NDST4: variants seen among roughly 807,000 people sequenced by gnomAD.
The protein encoded by NDST4 is N-deacetylase and N-sulfotransferase 4, also known as N-heparan sulfate sulfotransferase 4.
Under a neutral mutation model 100.8 loss-of-function variants are expected in NDST4, and 63 were observed. The ratio of observed to expected loss-of-function variants is 0.62; its 90% CI spans 0.51 to 0.77. The LOEUF (loss-of-function observed/expected upper bound fraction) is 0.77. NDST4 is among the 30% of genes least tolerant of loss of function. The pLI is 0.00. For missense variants in NDST4, 943 were observed against 1,018.4 expected (o/e 0.93, Z 1.01); for synonymous variants, 377 against 361.8 (o/e 1.04, Z -0.48).
chr4:115,113,235 C>T (rs1369167172), intron 1 of NDST4, among the ~76,000 whole-genome samples: 2 of 151,654 alleles, frequency 1.3e-5, no homozygotes, highest in Non-Finnish European at 2.9e-5. Context: ...TTTCTACTTA[C>T]GTGCAAATAT....
At position 114,890,795 on chromosome 4, in the gene NDST4, T is replaced by C. The variant is rs1374360019; in HGVS notation, c.1537-19845A>G. On this transcript the variant is annotated intron_variant, in intron 6 of 13. Transcript: ENST00000264363. ...ACCATTCCCTGCTCCTTTCTTAAGA[T>C]AGGCACAAATTTATTCTCCTGCCTC... Among the ~76,000 whole-genome samples the C allele has an allele frequency of 6.6e-5, 10 of 152,100 alleles. No individual in the cohort carries two copies. In the South Asian group the frequency reaches 1.9e-3, roughly 28 times the overall value.
chr4:115,041,544 A>C (rs1728352018), intron 2 of NDST4, among the ~76,000 whole-genome samples: 1 of 152,086 alleles, frequency 6.6e-6, no homozygotes, highest in South Asian at 2.1e-4. Flanking sequence ...CAGGCTAGCT[A>C]ATGATATTCT....
At chr4:114,992,957 TA>T (rs1258554892) in intron 2 of NDST4, among the ~76,000 whole-genome samples, 1 of 151,818 alleles carries the variant, frequency 6.6e-6, no homozygotes. Flanking sequence ...ATATTTTACT[TA>T]AAAAATAACC....
At chr4:115,112,799 T>C (rs1252971351) in intron 1 of NDST4, among the ~76,000 whole-genome samples, 1 of 151,940 alleles carries the variant, frequency 6.6e-6, no homozygotes, top group Non-Finnish European at 1.5e-5. Context: ...TCTGTCCTCC[T>C]AGGAAACTAT....
At chr4:114,945,208 CAAAAAAAAA>C (rs1173970826) in intron 4 of NDST4, among the ~76,000 whole-genome samples, 1 of 53,768 alleles carries the variant, frequency 1.9e-5, no homozygotes, top group Non-Finnish European at 3.3e-5. Context: ...AACTCCGTCT[CAAAAAAAAA>C]AAAAAAAAAA....
At chr4:114,851,180 C>T (rs774359359) in intron 8 of NDST4, among the ~76,000 whole-genome samples, 3 of 152,138 alleles carry the variant, frequency 2.0e-5, no homozygotes, top group East Asian at 3.9e-4. Context: ...ATTGGCAGCA[C>T]GTATTTGTGA....
At chr4:115,069,536 A>G (rs1398333367) in intron 2 of NDST4, among the ~76,000 whole-genome samples, 1 of 152,236 alleles carries the variant, frequency 6.6e-6, no homozygotes, top group Non-Finnish European at 1.5e-5. Flanking sequence ...CATGCGGCCA[A>G]CAAGCATATG....
intron 2 of NDST4, among the ~76,000 whole-genome samples, chr4:115,043,242 A>G (rs1728391805): frequency 6.6e-6 from 1 of 152,126 alleles, no homozygotes; most frequent in Non-Finnish European, 1.5e-5. Context: ...CTTTACTGAT[A>G]CATTAGAATA....
chr4:114,901,583 T>A (rs894398053), intron 6 of NDST4, among the ~76,000 whole-genome samples: 2 of 152,024 alleles, frequency 1.3e-5, no homozygotes, highest in African/African-American at 4.8e-5. Flanking sequence ...TTATCCACTC[T>A]GACAATCTCT....
intron 2 of NDST4, among the ~76,000 whole-genome samples, chr4:115,032,705 T>G (rs772993685): frequency 6.6e-6 from 1 of 152,146 alleles, no homozygotes; most frequent in Non-Finnish European, 1.5e-5. Context: ...GTCACATTTA[T>G]TACTGTCTTC....
At chr4:114,860,989 G>A (rs1723907434) in intron 7 of NDST4, among the ~76,000 whole-genome samples, 1 of 152,126 alleles carries the variant, frequency 6.6e-6, no homozygotes, top group South Asian at 2.1e-4. Context: ...ATTCAAACAG[G>A]CTATTAATGG....
At chr4:115,068,973 T>G (rs1195760840) in intron 2 of NDST4, among the ~76,000 whole-genome samples, 2 of 151,976 alleles carry the variant, frequency 1.3e-5, no homozygotes, top group Non-Finnish European at 2.9e-5. Flanking sequence ...CAAAACTAGA[T>G]GTATGAGAAA....
chr4:114,981,626 G>T (rs1001114956), intron 2 of NDST4, among the ~76,000 whole-genome samples: 1 of 152,038 alleles, frequency 6.6e-6, no homozygotes, highest in African/African-American at 2.4e-5. Context: ...TTTTAACAAT[G>T]ATTTTTATAG....
At chr4:114,865,008 CAT>C (rs986796669) in intron 7 of NDST4, among the ~76,000 whole-genome samples, 1 of 152,084 alleles carries the variant, frequency 6.6e-6, no homozygotes, top group African/African-American at 2.4e-5. Context: ...GAGGTAGTCT[CAT>C]AGTAAAACTG....
chr4:114,874,945 T>C (rs1447996017), intron 6 of NDST4, among the ~76,000 whole-genome samples: 1 of 152,152 alleles, frequency 6.6e-6, no homozygotes, highest in Admixed American at 6.6e-5. Flanking sequence ...GGGGAAAGTA[T>C]GACAGTACTA....
intron 13 of NDST4, among the ~76,000 whole-genome samples, chr4:114,828,233 T>C (rs1723123356): frequency 6.6e-6 from 1 of 152,060 alleles, no homozygotes; most frequent in Non-Finnish European, 1.5e-5. Context: ...GACAGGAGTG[T>C]AATACTAGAG....
intron 6 of NDST4, among the ~76,000 whole-genome samples, chr4:114,894,999 G>A (rs1369956603): frequency 5.3e-5 from 8 of 151,864 alleles, no homozygotes; most frequent in African/African-American, 1.9e-4. Flanking sequence ...TGTTAAGAGG[G>A]AAATTTATAG....
At chr4:115,068,669 T>C (rs1729004163) in intron 2 of NDST4, among the ~76,000 whole-genome samples, 1 of 147,744 alleles carries the variant, frequency 6.8e-6, no homozygotes. Context: ...ACAAAAAAAT[T>C]AGCCGGGTGT....
intron 1 of NDST4, among the ~76,000 whole-genome samples, chr4:115,079,219 G>A (rs1267942907): frequency 2.6e-5 from 4 of 151,862 alleles, no homozygotes; most frequent in Admixed American, 1.3e-4. Context: ...GGGTGTGGTG[G>A]TGCATGCCTG....
Sources: allele counts gnomAD v4.1 joint callset (sites outside exome capture counted in the v4.1 genomes callset), GRCh38; gene constraint gnomAD v4.1.1; transcripts MANE v1.5; gene names NCBI Gene and HGNC (gene_info 2026-07-23, HGNC 2026-07-21).